Variants in ADCY9 observed in about 807,000 individuals in gnomAD.
ADCY9 encodes adenylate cyclase 9.
In ADCY9, 50 loss-of-function variants were observed where a neutral mutation model predicts 101.5. That is an observed-to-expected ratio of 0.49 (90% CI 0.39 to 0.62). The LOEUF (loss-of-function observed/expected upper bound fraction) is 0.62. Ranked by LOEUF, ADCY9 falls within the 20% of genes least tolerant of loss-of-function variation. The pLI is 0.00. For synonymous variants in ADCY9, 905 were observed against 769.3 expected (o/e 1.18, Z -2.92); for missense variants, 1,662 against 1,800.4 (o/e 0.92, Z 1.39).
At chr16:4,109,548 G>T (rs1189160484) in intron 2 of ADCY9, among the ~76,000 whole-genome samples, 1 of 152,080 alleles carries the variant, frequency 6.6e-6, no homozygotes, top group Non-Finnish European at 1.5e-5. Context: ...AACTTCAAAG[G>T]CCCCTCACCC....
chr16:4,113,817 C>A lies in ADCY9; in HGVS notation c.1626G>T (p.Arg542=). The A allele has an allele frequency of 6.2e-7, 1 of 1,614,172 alleles. No homozygotes were observed. Among genetic ancestry groups the A allele is most frequent in the Non-Finnish European group, 8.5e-7 (1 of 1,180,030 alleles). Residue 542 remains arginine, a synonymous_variant, in exon 2 of 11, where the codon CGG becomes CGT. Transcript: ENST00000294016. ...SEATAKYLDD[R]YEMEDGKVIE... ...TAACTTTCCCATCTTCCATTTCGTA[C>A]CGGTCATCTAAGTATTTTGCGGTGG...
chr16:4,055,284 G>A (rs2056730177), intron 2 of ADCY9, among the ~76,000 whole-genome samples: 1 of 152,192 alleles, frequency 6.6e-6, no homozygotes, highest in South Asian at 2.1e-4. Flanking sequence ...TGTAATCCCA[G>A]TACTTTGGGA....
intron 2 of ADCY9, among the ~76,000 whole-genome samples, chr16:4,020,849 T>C (rs560856405): frequency 6.7e-6 from 1 of 148,406 alleles, no homozygotes. Context: ...GAAAGTGGAA[T>C]AGAAACAGTT....
chr16:4,022,020 A>T (rs2056480513), intron 2 of ADCY9, among the ~76,000 whole-genome samples: 1 of 152,122 alleles, frequency 6.6e-6, no homozygotes, highest in South Asian at 2.1e-4. Flanking sequence ...ATAACCTTTA[A>T]TCACTGAGAC....
At position 4,114,206 on chromosome 16, in the gene ADCY9, G is replaced by A; in HGVS notation, c.1237C>T (p.His413Tyr). Reference protein sequence around the residue: ...FTKMSANKSAHALVGLLNDLF... With the variant: ...FTKMSANKSAYALVGLLNDLF... Reference sequence around the variant, plus strand: ...TCGTTCAGGAGACCCACCAGGGCGTGGGCAGACTTGTTGGCACTCATCTTG... The same window carrying A: ...TCGTTCAGGAGACCCACCAGGGCGTAGGCAGACTTGTTGGCACTCATCTTG... The change falls in exon 2 of 11, where the codon CAC becomes TAC. Residue 413 changes from histidine to tyrosine, a missense_variant. By Grantham distance (83) the His-to-Tyr change is moderately conservative. Coordinates refer to ENST00000294016, the MANE Select transcript of ADCY9 (RefSeq NM_001116.4). The surrounding 1 kb of genome is among the most constrained non-coding windows in gnomAD (Gnocchi z 4.3). 6.2e-7 allele frequency: 1 copy of A among 1,613,950 alleles called. No individual in the cohort carries two copies. Among genetic ancestry groups the A allele is most frequent in the Non-Finnish European group, 8.5e-7 (1 of 1,180,032 alleles).
At position 4,097,563 on chromosome 16, in the gene ADCY9, T is replaced by A. The variant is rs1282399401; in HGVS notation, c.1693+16187A>T. Among the ~76,000 whole-genome samples the A allele has an allele frequency of 2.2e-3, 271 of 124,358 alleles. 6 individuals are homozygous for A. Among genetic ancestry groups the A allele is most frequent in the Admixed American group, 0.012 (145 of 12,342 alleles). The allele number at this position is 124,358 out of a possible 152,430, so 81.6% of individuals were successfully genotyped here. A position where few individuals can be genotyped will look rare whatever the true frequency, so the allele number is the denominator to read the frequency against. ...TATATATATATATATATTTTTTTTT[T>A]TTTTTTTTAAGACAGAGTCTTGCTC... On this transcript the variant is annotated intron_variant, in intron 2 of 10. Coordinates refer to ENST00000294016, the MANE Select transcript of ADCY9 (RefSeq NM_001116.4).
chr16:4,016,458 G>A lies in ADCY9; in HGVS notation c.1694-8900C>T, dbSNP rs1597167129. 2.6e-5 allele frequency among the ~76,000 whole-genome samples: 4 copies of A among 152,316 alleles called. No homozygotes were observed. The East Asian group carries it at 7.7e-4, about 29-fold the overall frequency. On this transcript the variant is annotated intron_variant, in intron 2 of 10. Transcript: ENST00000294016. ...GGGATAGGTCACGTCGGCAGAGGGA[G>A]GGGGTCAGGTCACACCTGCAGCAGG... is the stretch of plus-strand genomic sequence containing the variant.
At chr16:4,100,478 T>C (rs76628721) in intron 2 of ADCY9, among the ~76,000 whole-genome samples, 6,310 of 152,074 alleles carry the variant, frequency 0.041, 450 homozygotes, top group African/African-American at 0.14. Context: ...TAGAGGCGTA[T>C]GCCACCACGC....
intron 3 of ADCY9, among the ~76,000 whole-genome samples, chr16:4,000,297 G>C (rs1337487420): frequency 1.3e-5 from 2 of 152,220 alleles, no homozygotes; most frequent in Non-Finnish European, 2.9e-5. Context: ...CACTGGCCCA[G>C]AGCCACACGG....
intron 6 of ADCY9, among the ~76,000 whole-genome samples, chr16:3,986,004 C>G (rs1288166816): frequency 6.6e-6 from 1 of 152,220 alleles, no homozygotes; most frequent in Admixed American, 6.5e-5. Flanking sequence ...GACAGTGCCA[C>G]TGGCTGCCAG....
intron 7 of ADCY9, 101 bp from the exon 8 acceptor site, chr16:3,979,376 T>C: frequency 7.2e-7 from 1 of 1,390,748 alleles, no homozygotes; most frequent in Non-Finnish European, 9.8e-7. Flanking sequence ...CTCTGCTCTC[T>C]CCCGTGTTGC....
At chr16:3,999,351 A>C (rs1386748481) in intron 3 of ADCY9, among the ~76,000 whole-genome samples, 1 of 152,170 alleles carries the variant, frequency 6.6e-6, no homozygotes, top group Non-Finnish European at 1.5e-5. Flanking sequence ...TGCAGTCTCG[A>C]CTGTATGATC....
chr16:4,101,617 G>A (rs1421069506), intron 2 of ADCY9, among the ~76,000 whole-genome samples: 1 of 152,054 alleles, frequency 6.6e-6, no homozygotes, highest in Non-Finnish European at 1.5e-5. Context: ...CCCTTTCTAG[G>A]CGTCATGCCC....
Position 3,981,270 on chromosome 16 carries a change from C to T in ADCY9, c.2519+1962G>A, listed in dbSNP as rs1220485457. ...CCCTCGGCAGTCTACACCGGGGTTGCCCTCAATGCTTTAGAATTGGGTCTG... is the reference window on the plus strand; with the variant it reads ...CCCTCGGCAGTCTACACCGGGGTTGTCCTCAATGCTTTAGAATTGGGTCTG... On this transcript the variant is annotated intron_variant, in intron 7 of 10. Coordinates refer to ENST00000294016, the MANE Select transcript of ADCY9 (RefSeq NM_001116.4). Among the ~76,000 whole-genome samples, 3 of 152,328 alleles carry T rather than the reference C, an allele frequency of 2.0e-5. 1 individual carries two copies. The highest frequency in any genetic ancestry group is 4.4e-5 in the Non-Finnish European group (3 of 68,030).
Position 4,114,434 on chromosome 16 carries a change from C to T in ADCY9, c.1009G>A (p.Val337Met). Residue 337 changes from valine to methionine, a missense_variant, in exon 2 of 11, where the codon GTG (valine) becomes ATG (methionine). Physicochemically the swap from Val to Met is conservative, Grantham distance 21. Around this residue, in one of 5 missense-constraint regions of ADCY9, gnomAD observed 228 missense variants for 301.1 expected, o/e 0.76. Transcript: ENST00000294016. This position sits in a 1 kb window ranked among gnomAD's most constrained non-coding sequence, Gnocchi z 4.3. The part of the protein sequence containing the change: ...KALKERMIHS[V>M]MPRIIADDLM... ...TCATCGGCTATGATTCTTGGCATCA[C>T]GGAATGAATCATCCTCTCTTTGAGG... The T allele has an allele frequency of 6.2e-7, 1 of 1,614,174 alleles. No individual in the cohort carries two copies. The highest frequency in any genetic ancestry group is 8.5e-7 in the Non-Finnish European group (1 of 1,180,042).
Position 4,113,916 on chromosome 16 carries a change from C to T in ADCY9, c.1527G>A (p.Val509=). The T allele has an allele frequency of 6.2e-7, 1 of 1,614,190 alleles. No homozygotes were observed. The change falls in exon 2 of 11, where the codon GTG becomes GTA. Residue 509 remains valine (V), a synonymous_variant. Coordinates refer to ENST00000294016, the MANE Select transcript of ADCY9 (RefSeq NM_001116.4). ...TGGCCAGGTTCACATCGTTGGACCA[C>T]ACGTCAAATTTAAACCTCCTCATGC... The part of the protein sequence containing the change: ...ILGMRRFKFD[V]WSNDVNLANL...
intron 2 of ADCY9, among the ~76,000 whole-genome samples, chr16:4,101,331 G>T (rs891535217): frequency 3.4e-5 from 5 of 147,542 alleles, no homozygotes; most frequent in African/African-American, 1.3e-4. Flanking sequence ...CCCAGGCTGA[G>T]TACAGTGGTG....
intron 7 of ADCY9, 86 bp from the exon 8 acceptor site, chr16:3,979,361 C>A: frequency 6.8e-7 from 1 of 1,481,294 alleles, no homozygotes; most frequent in Non-Finnish European, 9.2e-7. Context: ...GCAGCCAGCG[C>A]CGCCCTCTGC....
chr16:4,103,818 G>A (rs1018402784), intron 2 of ADCY9, among the ~76,000 whole-genome samples: 8 of 152,094 alleles, frequency 5.3e-5, no homozygotes, highest in African/African-American at 1.4e-4. Flanking sequence ...GCGACAGAGC[G>A]AGACTCTGTC....
Sources: gnomAD v4.1 joint callset for allele counts (sites outside exome capture counted in the v4.1 genomes callset) on GRCh38, gnomAD v4.1.1 for gene constraint, gnomAD v4.1.1 regional missense constraint, Gnocchi (gnomAD v3.1) non-coding constraint, MANE v1.5 for transcripts, NCBI Gene and HGNC (gene_info 2026-07-23, HGNC 2026-07-21) for gene names.